The following CDH4 variants were observed in gnomAD, a reference collection of about 807,000 sequenced individuals.
The protein encoded by CDH4 is cadherin-4.
Under a neutral mutation model 86.0 loss-of-function variants are expected in CDH4, and 33 were observed. The ratio of observed to expected loss-of-function variants is 0.38; its 90% CI spans 0.29 to 0.51. The LOEUF (loss-of-function observed/expected upper bound fraction) is 0.51, where lower values mean the gene tolerates loss of function less well. CDH4 is among the 20% of genes least tolerant of loss of function. CDH4 has a pLI of 0.86. For synonymous variants in CDH4, 555 were observed against 549.4 expected (o/e 1.01, Z -0.14); for missense variants, 1,114 against 1,307.4 (o/e 0.85, Z 2.28).
intron 4 of CDH4, among the ~76,000 whole-genome samples, chr20:61,787,012 G>C (rs1328957968): frequency 6.6e-6 from 1 of 152,218 alleles, no homozygotes; most frequent in Non-Finnish European, 1.5e-5. Context: ...TTCTTCAGTT[G>C]TGGCCTTCAT....
intron 2 of CDH4, among the ~76,000 whole-genome samples, chr20:61,260,128 A>G (rs1410483080): frequency 6.6e-6 from 1 of 152,214 alleles, no homozygotes; most frequent in African/African-American, 2.4e-5. Flanking sequence ...GGAAAACTGC[A>G]CACTAGCAAA....
chr20:61,577,522 T>A (rs990306851), intron 2 of CDH4, among the ~76,000 whole-genome samples: 4 of 152,222 alleles, frequency 2.6e-5, no homozygotes, highest in African/African-American at 9.6e-5. Context: ...TGGATGTTTT[T>A]CATGTTGAAG....
rs1004070181 is a variant in CDH4 at position 61,708,563 on chromosome 20, C to G, written c.170-35000C>G. Among the ~76,000 whole-genome samples, 7 of 152,186 alleles carry G rather than the reference C, an allele frequency of 4.6e-5. No individual in the cohort carries two copies. Among genetic ancestry groups the G allele is most frequent in the African/African-American group, 1.2e-4 (5 of 41,454 alleles). On this transcript the variant is annotated intron_variant, in intron 2 of 15. Coordinates refer to ENST00000614565, the MANE Select transcript of CDH4 (RefSeq NM_001794.5). This position sits in a 1 kb window ranked among gnomAD's most constrained non-coding sequence, Gnocchi z 4.5. ...CGGTGGCTGCAGGCTCTTTGCCCCC[C>G]ACTTCCCCAGCCCTGCTCCCTCCAG...
chr20:61,554,870 GTC>G (rs1288935330), intron 2 of CDH4, among the ~76,000 whole-genome samples: 1 of 141,996 alleles, frequency 7.0e-6, no homozygotes, highest in African/African-American at 2.8e-5. Flanking sequence ...ATGTTTGTGT[GTC>G]TGAGTAAGCT....
chr20:61,290,532 C>T (rs1182773962), intron 2 of CDH4, among the ~76,000 whole-genome samples: 8 of 151,770 alleles, frequency 5.3e-5, no homozygotes, highest in African/African-American at 1.5e-4. Flanking sequence ...TTTAGCACCA[C>T]AGATGCCAGT....
intron 13 of CDH4, among the ~76,000 whole-genome samples, chr20:61,932,562 C>A (rs2055123993): frequency 7.4e-6 from 1 of 134,816 alleles, no homozygotes; most frequent in Non-Finnish European, 1.6e-5. Flanking sequence ...CATCTACACA[C>A]ATGAACACAC....
At chr20:61,339,697 C>T (rs1001057876) in intron 2 of CDH4, among the ~76,000 whole-genome samples, 1 of 152,146 alleles carries the variant, frequency 6.6e-6, no homozygotes, top group Non-Finnish European at 1.5e-5. Flanking sequence ...GTGACGTGGG[C>T]TTCCTGCCTG....
At chr20:61,546,080 TC>T (rs1568886619) in intron 2 of CDH4, among the ~76,000 whole-genome samples, 12 of 878 alleles carry the variant, frequency 0.014, no homozygotes, top group South Asian at 0.083. Flanking sequence ...GGGGGTTTGT[TC>T]ACACGTGTGT....
intron 2 of CDH4, among the ~76,000 whole-genome samples, chr20:61,692,506 T>A (rs1286736634): frequency 6.6e-6 from 1 of 152,362 alleles, no homozygotes; most frequent in South Asian, 2.1e-4. Context: ...AGAGAAAGGA[T>A]GAGAAAAAGT....
rs1464358986 is a variant in CDH4 at position 61,422,429 on chromosome 20, A to G, written c.169+167492A>G. Among the ~76,000 whole-genome samples, 5 of 45,644 alleles carry G rather than the reference A, an allele frequency of 1.1e-4. 1 individual carries two copies. Among genetic ancestry groups the G allele is most frequent in the African/African-American group, 8.4e-4 (4 of 4,780 alleles). 29.9% of individuals were successfully genotyped at this position (45,644 alleles called of 152,430 possible). A position where few individuals can be genotyped will look rare whatever the true frequency, so the allele number is the denominator to read the frequency against. ...ATAAGAGCAAAACTCCGTCTCAAAA[A>G]AAAAAAAAAAAAAAAAAAAAAAAAA... On this transcript the variant is annotated intron_variant, in intron 2 of 15. Transcript: ENST00000614565.
At chr20:61,896,071 A>G (rs1985093640) in intron 8 of CDH4, among the ~76,000 whole-genome samples, 1 of 152,082 alleles carries the variant, frequency 6.6e-6, no homozygotes, top group Admixed American at 6.5e-5. Context: ...AGGCCCCCGC[A>G]GAGCTGTGTG....
In CDH4 at chr20:61,709,174, G is replaced by T. The variant is rs1568769252; in HGVS notation, c.170-34389G>T. Among the ~76,000 whole-genome samples, 3 of 152,258 alleles carry T rather than the reference G, an allele frequency of 2.0e-5. No homozygotes were observed. The highest frequency in any genetic ancestry group is 4.4e-5 in the Non-Finnish European group (3 of 68,044). On this transcript the variant is annotated intron_variant, in intron 2 of 15. Coordinates refer to ENST00000614565, the MANE Select transcript of CDH4 (RefSeq NM_001794.5). This position sits in a 1 kb window ranked among gnomAD's most constrained non-coding sequence, Gnocchi z 4.8. ...AACGCACCTGCCCCTCTCTCCAGGGGAGTGCAAGCAAATGCAGGAAACTGG... is the reference window on the plus strand; with the variant it reads ...AACGCACCTGCCCCTCTCTCCAGGGTAGTGCAAGCAAATGCAGGAAACTGG...
intron 2 of CDH4, among the ~76,000 whole-genome samples, chr20:61,329,973 T>C (rs111905863): frequency 2.0e-4 from 31 of 152,228 alleles, no homozygotes; most frequent in Non-Finnish European, 3.2e-4. Flanking sequence ...TTTCTGAGGA[T>C]AATGGCTTCT....
chr20:61,702,161 C>T (rs1015565057), intron 2 of CDH4, among the ~76,000 whole-genome samples: 1 of 152,130 alleles, frequency 6.6e-6, no homozygotes, highest in African/African-American at 2.4e-5. Context: ...GAGAGTTGGC[C>T]GAGAAGCAAT....
intron 2 of CDH4, among the ~76,000 whole-genome samples, chr20:61,288,219 C>G (rs573898210): frequency 6.6e-6 from 1 of 151,840 alleles, no homozygotes; most frequent in African/African-American, 2.4e-5. Flanking sequence ...AATCCCTTTT[C>G]ATGGGATTGG....
intron 2 of CDH4, among the ~76,000 whole-genome samples, chr20:61,433,528 A>C (rs2085261152): frequency 6.6e-6 from 1 of 152,144 alleles, no homozygotes; most frequent in African/African-American, 2.4e-5. Flanking sequence ...AACCTGCTAG[A>C]ATTTTGACTG....
At chr20:61,535,780 G>C (rs563238271) in intron 2 of CDH4, among the ~76,000 whole-genome samples, 2 of 152,026 alleles carry the variant, frequency 1.3e-5, no homozygotes, top group East Asian at 3.9e-4. Flanking sequence ...CCCTGTACTC[G>C]CCCCTGAGCC....
intron 2 of CDH4, among the ~76,000 whole-genome samples, chr20:61,458,174 C>T (rs1356252420): frequency 1.4e-5 from 2 of 138,426 alleles, no homozygotes; most frequent in African/African-American, 5.5e-5. Context: ...AGTGCTGATG[C>T]TGGTGGTGGC....
At chr20:61,401,826 C>T (rs182234331) in intron 2 of CDH4, among the ~76,000 whole-genome samples, 33 of 152,300 alleles carry the variant, frequency 2.2e-4, no homozygotes, top group African/African-American at 7.5e-4. Context: ...AGGGTCAGCC[C>T]TGCAGTCATC....
Sources: allele counts gnomAD v4.1 joint callset (sites outside exome capture counted in the v4.1 genomes callset), GRCh38; gene constraint gnomAD v4.1.1; non-coding constraint Gnocchi (gnomAD v3.1); transcripts MANE v1.5; gene names NCBI Gene and HGNC (gene_info 2026-07-23, HGNC 2026-07-21).